Variants in RGS6 observed in about 807,000 individuals in gnomAD.
RGS6 encodes the protein regulator of G protein signaling 6.
Under a neutral mutation model 78.5 loss-of-function variants are expected in RGS6, and 30 were observed. The observed-to-expected ratio is 0.38, with a 90% CI of 0.29 to 0.52. The LOEUF is 0.52. RGS6 is among the 20% of genes least tolerant of loss of function. The probability of loss-of-function intolerance (pLI) is 0.85; values close to 1 mark genes in which losing one functional copy is unlikely to be tolerated. For missense variants in RGS6, 495 were observed against 609.7 expected (o/e 0.81, Z 1.98); for synonymous variants, 206 against 206.0 (o/e 1.00, Z 0.00).
intron 2 of RGS6, among the ~76,000 whole-genome samples, chr14:72,295,023 G>A (rs1241775725): frequency 6.6e-6 from 1 of 152,122 alleles, no homozygotes; most frequent in African/African-American, 2.4e-5. Flanking sequence ...CGGGCGCGGT[G>A]GCTCACGCCT....
At chr14:72,008,916 GC>G (rs1160292683) in intron 2 of RGS6, among the ~76,000 whole-genome samples, 12 of 152,322 alleles carry the variant, frequency 7.9e-5, no homozygotes, top group African/African-American at 2.6e-4. Context: ...TTTAGGGGAG[GC>G]CTGACACCAT....
chr14:71,961,750 A>G (rs2093215221), intron 1 of RGS6, among the ~76,000 whole-genome samples: 1 of 152,182 alleles, frequency 6.6e-6, no homozygotes, highest in African/African-American at 2.4e-5. Context: ...TGTTTTCAGA[A>G]AAATGTTCAC....
At chr14:72,398,073 G>A (rs8021101) in intron 3 of RGS6, among the ~76,000 whole-genome samples, 32,764 of 152,096 alleles carry the variant, frequency 0.22, 3,991 homozygotes, top group South Asian at 0.4. Flanking sequence ...CATAAAATGA[G>A]TTAGGGAGGA....
rs572929188 is a variant in RGS6, at chr14:71,982,183, G to A, written c.84+17308G>A. On this transcript the variant is annotated intron_variant, in intron 2 of 17. Coordinates refer to ENST00000553525, the MANE Select transcript of RGS6 (RefSeq NM_001204424.2). ...GTGCACCCACTGACCTGCGCCCAGT[G>A]TCTGGCACTCCCTAGTGAGATGAAC... 8.3e-4 allele frequency among the ~76,000 whole-genome samples: 126 copies of A among 152,286 alleles called. 3 individuals are homozygous for A. In the East Asian group the frequency reaches 0.02, roughly 24 times the overall value.
At chr14:72,138,841 G>A (rs867144347) in intron 2 of RGS6, among the ~76,000 whole-genome samples, 1 of 152,052 alleles carries the variant, frequency 6.6e-6, no homozygotes, top group Non-Finnish European at 1.5e-5. Flanking sequence ...CCCCAGATGG[G>A]ACTGTCTACA....
At position 72,478,235 on chromosome 14, in the gene RGS6, T is replaced by G. The variant is rs2239277; in HGVS notation, c.793-33T>G. On this transcript the variant is annotated intron_variant, in intron 11 of 17. Transcript: ENST00000553525. The stretch of plus-strand genomic sequence containing the variant: ...CGAGGGGAAAAAAATAATTTTAGTT[T>G]GGTCTTAACATCTGTGTTCTCTATT... The G allele has an allele frequency of 0.34, 527,538 of 1,533,334 alleles. 94,045 individuals are homozygous for G. Among genetic ancestry groups the G allele is most frequent in the East Asian group, 0.67 (29,491 of 44,318 alleles). 95.0% of individuals were successfully genotyped at this position (1,533,334 alleles called of 1,614,324 possible). A position where few individuals can be genotyped will look rare whatever the true frequency, so the allele number is the denominator to read the frequency against.
intron 15 of RGS6, among the ~76,000 whole-genome samples, chr14:72,521,100 C>T (rs535053875): frequency 6.6e-6 from 1 of 152,318 alleles, no homozygotes; most frequent in East Asian, 1.9e-4. Context: ...AATAAAAATA[C>T]ATCCTGAGTT....
At chr14:72,586,489 GC>G in the RGS6 span, among the ~76,000 whole-genome samples, 1 of 152,144 alleles carries the variant, frequency 6.6e-6, no homozygotes, top group East Asian at 1.9e-4. Flanking sequence ...TTCTTGTACA[GC>G]CCACAGAACC....
At chr14:71,963,283 C>T (rs2153044767) in intron 1 of RGS6, among the ~76,000 whole-genome samples, 1 of 152,306 alleles carries the variant, frequency 6.6e-6, no homozygotes, top group Admixed American at 6.5e-5. Flanking sequence ...TCACTCAAAA[C>T]TTCCATATAC....
chr14:72,391,053 T>C (rs573595087), intron 3 of RGS6, among the ~76,000 whole-genome samples: 1 of 152,258 alleles, frequency 6.6e-6, no homozygotes, highest in East Asian at 1.9e-4. Context: ...TCAAATATAC[T>C]TAGGCAAATG....
At chr14:72,345,442 G>A (rs183305239) in intron 2 of RGS6, among the ~76,000 whole-genome samples, 5 of 152,308 alleles carry the variant, frequency 3.3e-5, no homozygotes, top group Admixed American at 3.3e-4. Context: ...TTTGATCATT[G>A]TCATAGTTAG....
rs112470518 is a variant in RGS6 at position 72,495,369 on chromosome 14, A to G, written c.965+107A>G. The G allele has an allele frequency of 2.5e-5, 19 of 772,528 alleles. No individual in the cohort carries two copies. In the Admixed American group the frequency reaches 3.6e-4, roughly 15 times the overall value. The allele number at this position is 772,528 out of a possible 1,614,324, so 47.9% of individuals were successfully genotyped here. A position where few individuals can be genotyped will look rare whatever the true frequency, so the allele number is the denominator to read the frequency against. On this transcript the variant is annotated intron_variant, in intron 13 of 17. Coordinates refer to ENST00000553525, the MANE Select transcript of RGS6 (RefSeq NM_001204424.2). ...TTAATTTGACATTTTTTATCGCTAGAACAGAAACCCCTCAAGTAGCCTCCC... is the reference window on the plus strand; with the variant it reads ...TTAATTTGACATTTTTTATCGCTAGGACAGAAACCCCTCAAGTAGCCTCCC...
intron 3 of RGS6, among the ~76,000 whole-genome samples, chr14:72,391,313 G>A (rs1485475054): frequency 2.6e-5 from 4 of 152,256 alleles, no homozygotes; most frequent in East Asian, 1.9e-4. Flanking sequence ...AATTTCGGCT[G>A]TCACGACTGA....
chr14:72,089,995 A>T (rs2095208199), intron 2 of RGS6, among the ~76,000 whole-genome samples: 1 of 152,112 alleles, frequency 6.6e-6, no homozygotes, highest in Non-Finnish European at 1.5e-5. Flanking sequence ...GTTGTAAGAC[A>T]TCAGGTAAAT....
intron 2 of RGS6, among the ~76,000 whole-genome samples, chr14:72,046,823 G>A (rs376352287): frequency 7.2e-5 from 11 of 152,226 alleles, no homozygotes; most frequent in South Asian, 2.1e-4. Context: ...ATGGCTCTTC[G>A]AGTACCAACA....
intron 2 of RGS6, among the ~76,000 whole-genome samples, chr14:72,002,874 G>A (rs2239268): frequency 0.63 from 95,150 of 151,978 alleles, 30,408 homozygotes; most frequent in South Asian, 0.7. Flanking sequence ...GTGAGCTTAT[G>A]CTTCAGTTAC....
At chr14:71,926,311 C>A in the RGS6 span, among the ~76,000 whole-genome samples, 1 of 152,168 alleles carries the variant, frequency 6.6e-6, no homozygotes, top group Admixed American at 6.5e-5. Context: ...AGGCTGGGCA[C>A]AGTGGCCCAT....
intron 17 of RGS6, chr14:72,552,723 G>C (rs556475472): frequency 3.3e-4 from 51 of 152,312 alleles, no homozygotes; most frequent in African/African-American, 1.2e-3. Context: ...GAAGCACGTG[G>C]CAGGGGATGC....
intron 2 of RGS6, among the ~76,000 whole-genome samples, chr14:72,019,377 A>G (rs190407344): frequency 5.4e-4 from 83 of 152,368 alleles, no homozygotes; most frequent in South Asian, 1.7e-3. Context: ...AGATAGAATA[A>G]TGATCATGCT....
Sources: allele counts gnomAD v4.1 joint callset (sites outside exome capture counted in the v4.1 genomes callset), GRCh38; gene constraint gnomAD v4.1.1; transcripts MANE v1.5; gene names NCBI Gene and HGNC (gene_info 2026-07-23, HGNC 2026-07-21).